The following COL4A2 variants were observed in gnomAD, a reference collection of about 807,000 sequenced individuals.
COL4A2 encodes the protein collagen type IV alpha 2 chain.
In COL4A2, 99 loss-of-function variants were observed where a neutral mutation model predicts 200.2. That is an observed-to-expected ratio of 0.49 (90% CI 0.42 to 0.58). COL4A2 has a LOEUF of 0.58. Ranked by LOEUF, COL4A2 falls within the 20% of genes least tolerant of loss-of-function variation. The probability of loss-of-function intolerance (pLI) is 0.00; values close to 1 mark genes in which losing one functional copy is unlikely to be tolerated. For synonymous variants in COL4A2, 897 were observed against 900.6 expected (o/e 1.00, Z 0.07); for missense variants, 1,950 against 2,314.1 (o/e 0.84, Z 3.23).
chr13:110,441,643 A>T (rs905554688), intron 16 of COL4A2, among the ~76,000 whole-genome samples: 1 of 152,186 alleles, frequency 6.6e-6, no homozygotes, highest in African/African-American at 2.4e-5. Context: ...CAAATATTGT[A>T]AAGGGACAGA....
intron 3 of COL4A2, among the ~76,000 whole-genome samples, chr13:110,343,683 C>T (rs9583486): frequency 3.9e-5 from 6 of 152,244 alleles, no homozygotes; most frequent in East Asian, 1.9e-4. Context: ...GGCAGCGCAG[C>T]GCTGCTGTGT....
intron 18 of COL4A2, among the ~76,000 whole-genome samples, chr13:110,448,863 G>A (rs1277940259): frequency 1.3e-5 from 2 of 152,214 alleles, no homozygotes; most frequent in Non-Finnish European, 2.9e-5. Context: ...AGGGAGAGAT[G>A]GAAGCGCAGG....
At chr13:110,468,276 G>T (rs534419116) in intron 27 of COL4A2, 1 of 471,718 alleles carries the variant, frequency 2.1e-6, no homozygotes, top group Non-Finnish European at 4.4e-6. Flanking sequence ...TGTCTTCTGA[G>T]AACTGAGCTT....
intron 3 of COL4A2, among the ~76,000 whole-genome samples, chr13:110,311,270 T>C (rs1884974031): frequency 6.6e-6 from 1 of 152,084 alleles, no homozygotes; most frequent in Non-Finnish European, 1.5e-5. Context: ...TGAACCCAGG[T>C]GATCTGTGTG....
intron 26 of COL4A2, among the ~76,000 whole-genome samples, 186 bp from the exon 27 acceptor site, chr13:110,466,854 C>T (rs1232411965): frequency 6.6e-6 from 1 of 152,172 alleles, no homozygotes; most frequent in Non-Finnish European, 1.5e-5. Flanking sequence ...ATTTTGATTT[C>T]ATTACACAAT....
At chr13:110,460,198 A>G (rs1364052197) in intron 22 of COL4A2, among the ~76,000 whole-genome samples, 1 of 152,210 alleles carries the variant, frequency 6.6e-6, no homozygotes, top group Non-Finnish European at 1.5e-5. Context: ...ACAGCATGGA[A>G]GGAACCGCAG....
At chr13:110,371,089 G>A (rs1171348648) in intron 4 of COL4A2, among the ~76,000 whole-genome samples, 7 of 152,208 alleles carry the variant, frequency 4.6e-5, no homozygotes. Context: ...GGAAAGATGA[G>A]TAATGGAAAT....
intron 3 of COL4A2, among the ~76,000 whole-genome samples, chr13:110,323,148 T>A (rs1594145372): frequency 6.6e-6 from 1 of 151,980 alleles, no homozygotes; most frequent in Non-Finnish European, 1.5e-5. Flanking sequence ...TGAGGGGAGG[T>A]GTCAGTCCAT....
intron 20 of COL4A2, among the ~76,000 whole-genome samples, chr13:110,451,863 T>C (rs1223175513): frequency 6.6e-6 from 1 of 152,220 alleles, no homozygotes. Context: ...GCTTTCGATG[T>C]TGTGAAATGC....
At chr13:110,504,320 C>A in intron 45 of COL4A2, 56 bp downstream of exon 45, 1 of 1,429,494 alleles carries the variant, frequency 7.0e-7, no homozygotes. Flanking sequence ...ATCTGACTCA[C>A]AGACTGTGGT....
Position 110,437,331 on chromosome 13 carries a change from C to G in COL4A2, c.826-671C>G, listed in dbSNP as rs112533687. ...AGCAGGTTTGATCCACGTGGAGGTG[C>G]TCAATCTTCCGAGTCAAGTTTCCCA... On this transcript the variant is annotated intron_variant, in intron 13 of 47. Transcript: ENST00000360467. 3.1e-3 allele frequency among the ~76,000 whole-genome samples: 467 copies of G among 152,304 alleles called. 1 individual carries two copies. Among genetic ancestry groups the G allele is most frequent in the African/African-American group, 0.011 (449 of 41,560 alleles).
At chr13:110,386,164 C>T (rs915775637) in intron 4 of COL4A2, among the ~76,000 whole-genome samples, 11 of 152,182 alleles carry the variant, frequency 7.2e-5, no homozygotes, top group Admixed American at 5.2e-4. Context: ...ATGGGTAGAC[C>T]GTGGTTACAT....
At chr13:110,398,800 G>C (rs1879271256) in intron 4 of COL4A2, among the ~76,000 whole-genome samples, 1 of 152,030 alleles carries the variant, frequency 6.6e-6, no homozygotes, top group South Asian at 2.1e-4. Context: ...CCAGCCCAGA[G>C]GCAGGGTGGA....
intron 4 of COL4A2, among the ~76,000 whole-genome samples, chr13:110,372,221 G>C (rs550511489): frequency 4.6e-5 from 7 of 152,296 alleles, no homozygotes; most frequent in African/African-American, 1.7e-4. Flanking sequence ...CTTGAGAGAG[G>C]GGGCAGAGGA....
chr13:110,336,495 G>C (rs1452555227), intron 3 of COL4A2, among the ~76,000 whole-genome samples: 3 of 152,200 alleles, frequency 2.0e-5, no homozygotes, highest in Admixed American at 6.5e-5. Flanking sequence ...GCTGCCCAGG[G>C]CTGGGCTTTC....
chr13:110,411,219 G>T (rs1879820595), intron 4 of COL4A2, among the ~76,000 whole-genome samples: 1 of 152,150 alleles, frequency 6.6e-6, no homozygotes, highest in African/African-American at 2.4e-5. Flanking sequence ...GGAACACAAA[G>T]CTCGTCTTCT....
rs1176180590 is a variant in COL4A2 at position 110,449,546 on chromosome 13, A to G, written c.1079-133A>G. Reference sequence around the variant, plus strand: ...AGAGAGACCACCCCATGTATTAATCATCTTAACTCCTCATCAGGCCGCATA... The same window carrying G: ...AGAGAGACCACCCCATGTATTAATCGTCTTAACTCCTCATCAGGCCGCATA... On this transcript the variant is annotated intron_variant, in intron 18 of 47. Coordinates refer to ENST00000360467, the MANE Select transcript of COL4A2 (RefSeq NM_001846.4). 3.4e-5 allele frequency: 27 copies of G among 790,528 alleles called. 1 individual carries two copies. Among genetic ancestry groups the G allele is most frequent in the Non-Finnish European group, 4.8e-5 (25 of 520,866 alleles). The allele number at this position is 790,528 out of a possible 1,614,324, so 49.0% of individuals were successfully genotyped here. A position where few individuals can be genotyped will look rare whatever the true frequency, so the allele number is the denominator to read the frequency against.
At chr13:110,444,363 C>T (rs956751812) in intron 16 of COL4A2, among the ~76,000 whole-genome samples, 2 of 152,226 alleles carry the variant, frequency 1.3e-5, no homozygotes, top group Non-Finnish European at 2.9e-5. Context: ...GCTGTGCTCA[C>T]AGCTCCCACT....
At position 110,445,274 on chromosome 13, in the gene COL4A2, T is replaced by A. The variant is rs373419641; in HGVS notation, c.958-555T>A. Among the ~76,000 whole-genome samples the A allele has an allele frequency of 2.0e-5, 3 of 152,308 alleles. No homozygotes were observed. The East Asian group carries it at 5.8e-4, about 29-fold the overall frequency. On this transcript the variant is annotated intron_variant, in intron 16 of 47. Coordinates refer to ENST00000360467, the MANE Select transcript of COL4A2 (RefSeq NM_001846.4). ...GAGTTTCAACAGTTGGTTCAGGTTG[T>A]CAACACCTGACCCCACGATCAATCA...
Sources: gnomAD v4.1 joint callset for allele counts (sites outside exome capture counted in the v4.1 genomes callset) on GRCh38, gnomAD v4.1.1 for gene constraint, MANE v1.5 for transcripts, NCBI Gene and HGNC (gene_info 2026-07-23, HGNC 2026-07-21) for gene names.